Variants in DOK6 observed in about 807,000 individuals in gnomAD.
DOK6 encodes downstream of tyrosine kinase 6.
Under a neutral mutation model 44.0 loss-of-function variants are expected in DOK6, and 22 were observed. The ratio of observed to expected loss-of-function variants is 0.50; its 90% CI spans 0.36 to 0.71. The LOEUF (loss-of-function observed/expected upper bound fraction) is 0.71. DOK6 is among the 30% of genes least tolerant of loss of function. The pLI, the probability that DOK6 is intolerant of heterozygous loss-of-function variation, is 0.00. For missense variants in DOK6, 340 were observed against 416.4 expected (o/e 0.82, Z 1.60); for synonymous variants, 166 against 145.5 (o/e 1.14, Z -1.01).
Position 69,846,396 on chromosome 18 carries a change from T to C in DOK6, c.*5013T>C, listed in dbSNP as rs1320261919. On this transcript the variant is annotated 3_prime_UTR_variant, in exon 8 of 8. Coordinates refer to ENST00000382713, the MANE Select transcript of DOK6 (RefSeq NM_152721.6). ...CTCCATGGCATCTCCCAGTTTGACATAGTGGGAGCTGAGAAATGCCATATG... is the reference window on the plus strand; with the variant it reads ...CTCCATGGCATCTCCCAGTTTGACACAGTGGGAGCTGAGAAATGCCATATG... 2.6e-5 allele frequency: 4 copies of C among 152,336 alleles called. No homozygotes were observed. Among genetic ancestry groups the C allele is most frequent in the Admixed American group, 6.5e-5 (1 of 15,296 alleles). 9.4% of individuals were successfully genotyped at this position (152,336 alleles called of 1,614,324 possible). A position where few individuals can be genotyped will look rare whatever the true frequency, so the allele number is the denominator to read the frequency against.
Position 69,698,442 on chromosome 18 carries a change from G to C in DOK6, c.448G>C (p.Asp150His), listed in dbSNP as rs1328819087. The change falls in exon 5 of 8, where the codon GAT (aspartate) becomes CAT (histidine). Residue 150 changes from aspartate (D) to histidine (H), a missense_variant. Around this residue, in one of 3 missense-constraint regions of DOK6, gnomAD observed 206 missense variants for 258.6 expected, o/e 0.80. Coordinates refer to ENST00000382713, the MANE Select transcript of DOK6 (RefSeq NM_152721.6). Reference sequence around the variant, plus strand: ...GTATCTTATGCCTACACCAAACCTGGATATTTATGGTGAATGCACAATGCA... The same window carrying C: ...GTATCTTATGCCTACACCAAACCTGCATATTTATGGTGAATGCACAATGCA... ...NVYLMPTPNL[D>H]IYGECTMQIT... The C allele has an allele frequency of 6.2e-7, 1 of 1,613,584 alleles. No individual in the cohort carries two copies. Among genetic ancestry groups the C allele is most frequent in the Non-Finnish European group, 8.5e-7 (1 of 1,179,740 alleles).
chr18:69,741,906 A>T (rs115841322), intron 6 of DOK6, among the ~76,000 whole-genome samples: 1,777 of 152,258 alleles, frequency 0.012, 37 homozygotes, highest in African/African-American at 0.04. Flanking sequence ...AAAGTTGGAT[A>T]AAAAAACTCA....
At chr18:69,617,623 AAG>A (rs1568312718) in intron 3 of DOK6, among the ~76,000 whole-genome samples, 3 of 150,676 alleles carry the variant, frequency 2.0e-5, no homozygotes, top group African/African-American at 4.9e-5. Context: ...AAAAGAAAGA[AAG>A]AGGGAGGGAG....
intron 1 of DOK6, among the ~76,000 whole-genome samples, chr18:69,458,198 C>A (rs919072559): frequency 1.3e-5 from 2 of 152,066 alleles, no homozygotes; most frequent in African/African-American, 4.8e-5. Flanking sequence ...ACTTTTTCAC[C>A]ACAATCAAGT....
At chr18:69,554,199 T>C (rs1982633764) in intron 1 of DOK6, among the ~76,000 whole-genome samples, 1 of 152,146 alleles carries the variant, frequency 6.6e-6, no homozygotes. Flanking sequence ...CAAATACTAG[T>C]GTACATGCGA....
At chr18:69,728,462 G>T (rs1214030725) in intron 5 of DOK6, among the ~76,000 whole-genome samples, 1 of 152,114 alleles carries the variant, frequency 6.6e-6, no homozygotes, top group Non-Finnish European at 1.5e-5. Context: ...ATCAAAGTCT[G>T]CCTGGCTAGT....
At chr18:69,412,036 G>C (rs1030647730) in intron 1 of DOK6, among the ~76,000 whole-genome samples, 2 of 151,936 alleles carry the variant, frequency 1.3e-5, no homozygotes, top group African/African-American at 4.8e-5. Context: ...TTATCATTTG[G>C]TTCATTTAAA....
chr18:69,664,508 T>C (rs1308069968), intron 3 of DOK6, among the ~76,000 whole-genome samples: 1 of 152,176 alleles, frequency 6.6e-6, no homozygotes, highest in East Asian at 1.9e-4. Flanking sequence ...TTTCTTCTTT[T>C]ATGGAGGTAA....
At chr18:69,611,057 A>G (rs934559902) in intron 3 of DOK6, among the ~76,000 whole-genome samples, 1 of 150,862 alleles carries the variant, frequency 6.6e-6, no homozygotes, top group African/African-American at 2.4e-5. Context: ...CCAAAAAAAG[A>G]ATTTTAATTT....
At chr18:69,798,497 T>G (rs2145103718) in intron 7 of DOK6, among the ~76,000 whole-genome samples, 2 of 152,192 alleles carry the variant, frequency 1.3e-5, no homozygotes, top group African/African-American at 4.8e-5. Flanking sequence ...AGTACCAAAT[T>G]ATACATACAA....
intron 1 of DOK6, among the ~76,000 whole-genome samples, chr18:69,439,917 T>A (rs1439505287): frequency 6.6e-6 from 1 of 152,220 alleles, no homozygotes; most frequent in Non-Finnish European, 1.5e-5. Flanking sequence ...GCACAAGAGC[T>A]CTTGCTTTTG....
intron 7 of DOK6, among the ~76,000 whole-genome samples, chr18:69,816,822 C>T (rs528769103): frequency 4.4e-4 from 67 of 152,238 alleles, no homozygotes; most frequent in African/African-American, 1.6e-3. Context: ...GCAAATAGGA[C>T]ATAGGAGGAG....
chr18:69,486,207 A>G (rs1346830313), intron 1 of DOK6, among the ~76,000 whole-genome samples: 2 of 151,960 alleles, frequency 1.3e-5, no homozygotes, highest in Non-Finnish European at 2.9e-5. Context: ...CTTTATTGAT[A>G]TCTTTAAACA....
chr18:69,492,878 G>A (rs148791551), intron 1 of DOK6, among the ~76,000 whole-genome samples: 4 of 145,352 alleles, frequency 2.8e-5, no homozygotes, highest in African/African-American at 7.5e-5. Flanking sequence ...CAAAAGGAAC[G>A]TTTTCTTTTC....
chr18:69,782,455 C>G (rs1282651480), intron 7 of DOK6, among the ~76,000 whole-genome samples: 1 of 152,022 alleles, frequency 6.6e-6, no homozygotes, highest in Non-Finnish European at 1.5e-5. Context: ...TCGTGATCCC[C>G]CCGCCTCGGC....
intron 2 of DOK6, among the ~76,000 whole-genome samples, chr18:69,576,035 TG>T (rs1983230079): frequency 6.6e-6 from 1 of 152,192 alleles, no homozygotes. Flanking sequence ...CCTCATGGCT[TG>T]CTCCATTTCT....
rs190609643 is a variant in DOK6 at position 69,745,288 on chromosome 18, A to T, written c.738+6185A>T. 1.9e-3 allele frequency among the ~76,000 whole-genome samples: 283 copies of T among 152,312 alleles called. 1 individual carries two copies. Among genetic ancestry groups the T allele is most frequent in the Non-Finnish European group, 2.9e-3 (200 of 68,024 alleles). ...CTGTGTTTAAAAAAATACAGTTTTG[A>T]TTCTTTGCTTTGCTGGAACTGAACA... On this transcript the variant is annotated intron_variant, in intron 6 of 7. Transcript: ENST00000382713.
At chr18:69,788,639 G>C (rs2145095491) in intron 7 of DOK6, among the ~76,000 whole-genome samples, 1 of 152,318 alleles carries the variant, frequency 6.6e-6, no homozygotes, top group South Asian at 2.1e-4. Flanking sequence ...ACTGGCAAAA[G>C]TGTTCGGCAT....
At chr18:69,741,461 T>G (rs148347486) in intron 6 of DOK6, among the ~76,000 whole-genome samples, 66 of 152,266 alleles carry the variant, frequency 4.3e-4, no homozygotes, top group African/African-American at 1.5e-3. Flanking sequence ...CAGATACAAT[T>G]TTTTTATAGA....
Sources: allele counts gnomAD v4.1 joint callset (sites outside exome capture counted in the v4.1 genomes callset), GRCh38; gene constraint gnomAD v4.1.1; regional missense constraint gnomAD v4.1.1; transcripts MANE v1.5; gene names NCBI Gene and HGNC (gene_info 2026-07-23, HGNC 2026-07-21).